The following FRMD4A variants were observed in gnomAD, a reference collection of about 807,000 sequenced individuals.
The protein encoded by FRMD4A is FERM domain-containing protein 4A.
A neutral mutation model predicts 129.1 loss-of-function variants in FRMD4A; 29 were observed. That is an observed-to-expected ratio of 0.22 (90% CI 0.17 to 0.31). FRMD4A has a LOEUF of 0.31. Among genes scored for constraint, FRMD4A ranks in the 10% least tolerant of loss-of-function variants. The pLI, the probability that FRMD4A is intolerant of heterozygous loss-of-function variation, is 1.00. For missense variants in FRMD4A, 1,272 were observed against 1,375.8 expected (o/e 0.92, Z 1.19); for synonymous variants, 634 against 571.6 (o/e 1.11, Z -1.56).
chr10:14,325,969 T>G (rs921521595), intron 2 of FRMD4A, among the ~76,000 whole-genome samples: 5 of 152,196 alleles, frequency 3.3e-5, no homozygotes, highest in Non-Finnish European at 7.4e-5. Context: ...CATTCTTCAT[T>G]CATTGTGGTT....
Position 13,685,066 on chromosome 10 carries a change from C to T in FRMD4A, c.1117+8832G>A, listed in dbSNP as rs7076999. The stretch of plus-strand genomic sequence containing the variant: ...ACATAAAAGATGTCCCAGGAGACCA[C>T]GGGAAATAATGCCACATTGCAGACT... On this transcript the variant is annotated intron_variant, in intron 15 of 24. Coordinates refer to ENST00000357447, the MANE Select transcript of FRMD4A (RefSeq NM_018027.5). The T allele has an allele frequency of 4.6e-3, 4,513 of 984,572 alleles. 144 individuals are homozygous for T. In the African/African-American group the frequency reaches 0.073, roughly 16 times the overall value. The allele number at this position is 984,572 out of a possible 1,614,324, so 61.0% of individuals were successfully genotyped here.
intron 2 of FRMD4A, among the ~76,000 whole-genome samples, chr10:14,227,564 T>C (rs1843487953): frequency 6.6e-6 from 1 of 152,102 alleles, no homozygotes; most frequent in Admixed American, 6.5e-5. Flanking sequence ...CTCTTTAGTG[T>C]TCTAGCCTCC....
rs140266758 is a variant in FRMD4A, at chr10:13,666,266, G to T, written c.1434C>A (p.Ala478=). 1 of 1,614,058 alleles carries T rather than the reference G, an allele frequency of 6.2e-7. No individual in the cohort carries two copies. The highest frequency in any genetic ancestry group is 1.1e-5 in the South Asian group (1 of 91,076). Residue 478 remains alanine, a synonymous_variant, in exon 18 of 25, where the codon GCC becomes GCA. Transcript: ENST00000357447. ...EFAIQSQITE[A]ARRLASDPNV... is the part of the protein sequence containing the mutation. ...TGGGGTCACTGGCTAGGCGGCGGGC[G>T]GCCTCCGTAATCTGGGACTGAATGG...
At chr10:13,767,516 G>T (rs1400648432) in intron 6 of FRMD4A, among the ~76,000 whole-genome samples, 1 of 152,154 alleles carries the variant, frequency 6.6e-6, no homozygotes, top group Non-Finnish European at 1.5e-5. Context: ...TGGGATTACA[G>T]GCATGAGCCT....
At position 13,651,957 on chromosome 10, in the gene FRMD4A, G is replaced by A; in HGVS notation, c.3068C>T (p.Ser1023Leu). The A allele has an allele frequency of 2.5e-6, 4 of 1,591,238 alleles. No homozygotes were observed. The highest frequency in any genetic ancestry group is 3.5e-6 in the Non-Finnish European group (4 of 1,159,156). ...AGACTCAGACCCATCCAGAATGGGTGAGTTTTCTGTTGCTTCTCTGAACAA... is the reference window on the plus strand; with the variant it reads ...AGACTCAGACCCATCCAGAATGGGTAAGTTTTCTGTTGCTTCTCTGAACAA... ...TWQTGEATEN[S>L]PILDGSESPP... The change falls in exon 24 of 25, where the codon TCA becomes TTA. Residue 1023 changes from serine to leucine, a missense_variant. Transcript: ENST00000357447.
chr10:13,958,505 G>A (rs2095424821), intron 2 of FRMD4A, among the ~76,000 whole-genome samples: 2 of 151,788 alleles, frequency 1.3e-5, no homozygotes, highest in Non-Finnish European at 2.9e-5. Context: ...GGATGGTCTT[G>A]ATCTCTTGAC....
rs17154008 is a variant in FRMD4A, at chr10:13,783,212, A to G, written c.300-206T>C. ...TTGATAGTGGCTTAGGGTCACGCCT[A>G]ATGGGCCTCACCATAACCAAAGAAC... On this transcript the variant is annotated intron_variant, in intron 5 of 24. Transcript: ENST00000357447. Among the ~76,000 whole-genome samples the G allele has an allele frequency of 4.9e-3, 743 of 152,354 alleles. 10 individuals carry two copies. The highest frequency in any genetic ancestry group is 0.017 in the African/African-American group (694 of 41,580).
chr10:13,923,206 A>C (rs1011717126), intron 2 of FRMD4A, among the ~76,000 whole-genome samples: 1 of 152,196 alleles, frequency 6.6e-6, no homozygotes, highest in African/African-American at 2.4e-5. Context: ...TAGAAGCATC[A>C]ATATATGTTT....
intron 2 of FRMD4A, among the ~76,000 whole-genome samples, chr10:14,274,945 A>G (rs1419115321): frequency 6.6e-6 from 1 of 152,128 alleles, no homozygotes; most frequent in African/African-American, 2.4e-5. Context: ...CCTGTCCTTG[A>G]GTCTTCACAC....
chr10:14,099,357 A>C (rs1245907551), intron 2 of FRMD4A, among the ~76,000 whole-genome samples: 1 of 152,268 alleles, frequency 6.6e-6, no homozygotes, highest in African/African-American at 2.4e-5. Flanking sequence ...AAAAAATCAG[A>C]AAACTTCCAA....
At chr10:13,965,065 A>AT (rs398012865) in intron 2 of FRMD4A, among the ~76,000 whole-genome samples, 14,970 of 141,042 alleles carry the variant, frequency 0.11, 1,686 homozygotes, top group African/African-American at 0.28. Flanking sequence ...ACCACTGGGC[A>AT]TTTTTTTTTT....
chr10:13,827,926 C>A (rs1469425565), intron 3 of FRMD4A, among the ~76,000 whole-genome samples: 1 of 152,132 alleles, frequency 6.6e-6, no homozygotes, highest in Admixed American at 6.5e-5. Flanking sequence ...CCCTTGGGCT[C>A]GAAGCCCCTC....
chr10:13,915,028 C>T (rs2094984857), intron 2 of FRMD4A, among the ~76,000 whole-genome samples: 1 of 152,064 alleles, frequency 6.6e-6, no homozygotes, highest in Non-Finnish European at 1.5e-5. Flanking sequence ...ACAACAATAA[C>T]AACAGCAACA....
At chr10:13,948,336 G>A (rs940573454) in intron 2 of FRMD4A, among the ~76,000 whole-genome samples, 4 of 152,056 alleles carry the variant, frequency 2.6e-5, no homozygotes, top group African/African-American at 9.7e-5. Flanking sequence ...ACTGGTGTGA[G>A]CCACTGTGCC....
intron 2 of FRMD4A, among the ~76,000 whole-genome samples, chr10:14,162,109 A>T (rs1039510321): frequency 8.6e-5 from 13 of 151,932 alleles, no homozygotes; most frequent in African/African-American, 2.9e-4. Context: ...GGTATTTTTT[A>T]TATATACATA....
intron 2 of FRMD4A, among the ~76,000 whole-genome samples, chr10:14,230,777 TCCTTCCA>T (rs1843612617): frequency 6.6e-6 from 1 of 152,192 alleles, no homozygotes; most frequent in Non-Finnish European, 1.5e-5. Flanking sequence ...GTTGTCACCC[TCCTTCCA>T]CCTTCCACCT....
chr10:13,843,138 A>G (rs1436503533), intron 3 of FRMD4A, among the ~76,000 whole-genome samples: 5 of 152,214 alleles, frequency 3.3e-5, no homozygotes, highest in Non-Finnish European at 7.3e-5. Context: ...GCCTTAATCC[A>G]ACATGCAGTA....
At chr10:13,650,226 G>A (rs114503608) in intron 24 of FRMD4A, among the ~76,000 whole-genome samples, 21 of 152,258 alleles carry the variant, frequency 1.4e-4, no homozygotes, top group South Asian at 2.1e-4. Context: ...TTTTTTAAAC[G>A]TATAACTAAC....
intron 2 of FRMD4A, among the ~76,000 whole-genome samples, chr10:14,203,463 A>T (rs1481980418): frequency 1.3e-5 from 2 of 152,200 alleles, no homozygotes; most frequent in Non-Finnish European, 2.9e-5. Context: ...AGATTCCAGA[A>T]AGTATCTAGA....
Sources: allele counts gnomAD v4.1 joint callset (sites outside exome capture counted in the v4.1 genomes callset), GRCh38; gene constraint gnomAD v4.1.1; transcripts MANE v1.5; gene names NCBI Gene and HGNC (gene_info 2026-07-23, HGNC 2026-07-21).